The following PRLR variants were observed in gnomAD, a reference collection of about 807,000 sequenced individuals.
PRLR encodes hPRL receptor.
Under a neutral mutation model 40.2 loss-of-function variants are expected in PRLR, and 13 were observed. The ratio of observed to expected loss-of-function variants is 0.32; its 90% CI spans 0.21 to 0.51. The LOEUF is 0.51. Ranked by LOEUF, PRLR falls within the 20% of genes least tolerant of loss-of-function variation. The pLI is 0.97. For synonymous variants in PRLR, 269 were observed against 278.7 expected, an observed-to-expected ratio of 0.97 and a Z score of 0.35; for missense variants, 656 against 747.3, an observed-to-expected ratio of 0.88 and a Z score of 1.42.
chr5:35,103,989 G>A (rs1411531650), intron 2 of PRLR, among the ~76,000 whole-genome samples: 1 of 151,970 alleles, frequency 6.6e-6, no homozygotes, highest in Admixed American at 6.6e-5. Flanking sequence ...GTGCCCAGGC[G>A]AACAGAGCCC....
At chr5:35,068,901 GC>G (rs957672643) in intron 7 of PRLR, 23 bp from the exon 8 acceptor site, 1 of 1,547,288 alleles carries the variant, frequency 6.5e-7, no homozygotes, top group Non-Finnish European at 8.9e-7. Context: ...CAGCCAGAAA[GC>G]TTTGATCACG....
intron 1 of PRLR, among the ~76,000 whole-genome samples, chr5:35,203,475 G>T (rs957293205): frequency 6.6e-6 from 1 of 152,110 alleles, no homozygotes; most frequent in Admixed American, 6.5e-5. Context: ...AAGATAGTTG[G>T]AATTATTACC....
At chr5:35,163,158 C>G (rs1774725869) in intron 1 of PRLR, among the ~76,000 whole-genome samples, 1 of 152,162 alleles carries the variant, frequency 6.6e-6, no homozygotes, top group African/African-American at 2.4e-5. Context: ...GGGAAGTACT[C>G]TAGCAGGGAC....
At chr5:35,186,622 C>T (rs564755229) in intron 1 of PRLR, among the ~76,000 whole-genome samples, 1 of 152,230 alleles carries the variant, frequency 6.6e-6, no homozygotes, top group East Asian at 1.9e-4. Flanking sequence ...GCACCTGGCC[C>T]TTTAACTAAA....
chr5:35,092,332 C>T (rs765918877), intron 2 of PRLR, among the ~76,000 whole-genome samples: 1 of 152,138 alleles, frequency 6.6e-6, no homozygotes, highest in East Asian at 1.9e-4. Flanking sequence ...GATTTTCCAA[C>T]TCATCCTGCA....
Position 35,057,295 on chromosome 5 carries a change from A to G in PRLR, c.*7794T>C, listed in dbSNP as rs1579542235. ...TTTTTTTGTCCAACTTACATAAACA[A>G]TGTCCTGATTATAGATCTTTTGGTA... On this transcript the variant is annotated 3_prime_UTR_variant, in exon 10 of 10. Coordinates refer to ENST00000618457, the MANE Select transcript of PRLR (RefSeq NM_000949.7). 6.6e-6 allele frequency: 1 copy of G among 152,266 alleles called. No individual in the cohort carries two copies. Among genetic ancestry groups the G allele is most frequent in the East Asian group, 1.9e-4 (1 of 5,192 alleles). The allele number at this position is 152,266 out of a possible 1,614,324, so 9.4% of individuals were successfully genotyped here.
intron 1 of PRLR, among the ~76,000 whole-genome samples, chr5:35,179,344 T>G (rs1267026783): frequency 6.6e-6 from 1 of 152,220 alleles, no homozygotes; most frequent in Non-Finnish European, 1.5e-5. Context: ...TCTAAAAATT[T>G]TGCCCACCTG....
chr5:35,188,851 C>T (rs1214583349), intron 1 of PRLR, among the ~76,000 whole-genome samples: 1 of 152,090 alleles, frequency 6.6e-6, no homozygotes, highest in Non-Finnish European at 1.5e-5. Flanking sequence ...TAAATGCTTT[C>T]CAGGAGTTAA....
intron 1 of PRLR, among the ~76,000 whole-genome samples, chr5:35,213,505 G>A (rs1259761385): frequency 6.6e-6 from 1 of 152,092 alleles, no homozygotes; most frequent in Non-Finnish European, 1.5e-5. Context: ...TTAGCTATCT[G>A]AGTTTTTTTT....
At chr5:35,228,232 C>CAA (rs55934270) in intron 1 of PRLR, among the ~76,000 whole-genome samples, 3,788 of 87,242 alleles carry the variant, frequency 0.043, 296 homozygotes, top group African/African-American at 0.14. Context: ...AACAACCATG[C>CAA]AAAAAAAAAA....
At chr5:35,098,004 G>A (rs1258867601) in intron 2 of PRLR, among the ~76,000 whole-genome samples, 1 of 152,098 alleles carries the variant, frequency 6.6e-6, no homozygotes, top group Non-Finnish European at 1.5e-5. Context: ...AGGCATTGGG[G>A]GTGTGATCTG....
intron 1 of PRLR, among the ~76,000 whole-genome samples, chr5:35,226,145 G>A (rs1776543578): frequency 6.6e-6 from 1 of 152,206 alleles, no homozygotes; most frequent in African/African-American, 2.4e-5. Context: ...TGCACTAACT[G>A]GAATTTGGGA....
At chr5:35,068,108 G>A in intron 9 of PRLR, 108 bp downstream of exon 9, 1 of 1,027,574 alleles carries the variant, frequency 9.7e-7, no homozygotes, top group Non-Finnish European at 1.5e-6. Flanking sequence ...GTCCAAAAAG[G>A]CTGGCTGAAA....
chr5:35,141,660 G>T (rs975706818), intron 1 of PRLR, among the ~76,000 whole-genome samples: 8 of 152,186 alleles, frequency 5.3e-5, no homozygotes, highest in Non-Finnish European at 8.8e-5. Flanking sequence ...CTGAAAAAAG[G>T]CTAATAGTTC....
chr5:35,071,422 T>C (rs573284374), intron 6 of PRLR, among the ~76,000 whole-genome samples: 3 of 152,194 alleles, frequency 2.0e-5, no homozygotes, highest in Non-Finnish European at 2.9e-5. Flanking sequence ...AGGGACTGGG[T>C]ATTAAACGAT....
At chr5:35,141,113 G>T (rs1774011441) in intron 1 of PRLR, among the ~76,000 whole-genome samples, 1 of 152,098 alleles carries the variant, frequency 6.6e-6, no homozygotes, top group Non-Finnish European at 1.5e-5. Flanking sequence ...AGCTGGAGAT[G>T]GGGCAGCTAT....
At chr5:35,053,796 T>C (rs1768589591), downstream of PRLR, among the ~76,000 whole-genome samples, 2 of 152,174 alleles carry the variant, frequency 1.3e-5, no homozygotes, top group African/African-American at 2.4e-5. Context: ...GGAGACCCGA[T>C]AGGCTCATCT....
intron 1 of PRLR, among the ~76,000 whole-genome samples, chr5:35,220,907 G>A (rs886250500): frequency 3.3e-5 from 5 of 152,146 alleles, no homozygotes; most frequent in Admixed American, 2.6e-4. Context: ...ACCTTCTGAG[G>A]ATCGGTGTAT....
At chr5:35,171,211 C>T (rs1774987006) in intron 1 of PRLR, among the ~76,000 whole-genome samples, 1 of 152,196 alleles carries the variant, frequency 6.6e-6, no homozygotes, top group East Asian at 1.9e-4. Flanking sequence ...AAATGAGCCA[C>T]AGCAGGGAAT....
Sources: gnomAD v4.1 joint callset for allele counts (sites outside exome capture counted in the v4.1 genomes callset) on GRCh38, gnomAD v4.1.1 for gene constraint, MANE v1.5 for transcripts, NCBI Gene and HGNC (gene_info 2026-07-23, HGNC 2026-07-21) for gene names.